Variants in TYR observed in about 807,000 individuals in gnomAD.
TYR encodes the protein LB24-AB.
A neutral mutation model predicts 51.5 loss-of-function variants in TYR; 58 were observed. The observed-to-expected ratio is 1.13, with a 90% CI of 0.91 to 1.40. TYR has a LOEUF of 1.40. TYR is among the 40% of genes most tolerant of loss of function. TYR has a pLI of 0.00. For synonymous variants in TYR, 263 were observed against 235.2 expected (o/e 1.12, Z -1.08); for missense variants, 732 against 647.4 (o/e 1.13, Z -1.42).
intron 2 of TYR, among the ~76,000 whole-genome samples, chr11:89,209,586 G>C (rs1198906798): frequency 2.0e-5 from 3 of 152,194 alleles, no homozygotes; most frequent in Non-Finnish European, 4.4e-5. Context: ...GTCCTTGTCT[G>C]ACAGCTCTGA....
chr11:89,181,848 G>C (rs1264121547), intron 1 of TYR, among the ~76,000 whole-genome samples: 1 of 152,110 alleles, frequency 6.6e-6, no homozygotes, highest in Non-Finnish European at 1.5e-5. Context: ...TGTTTATAAG[G>C]ATCCATTTAG....
intron 1 of TYR, among the ~76,000 whole-genome samples, chr11:89,181,717 T>C (rs771625036): frequency 1.3e-5 from 2 of 152,212 alleles, no homozygotes; most frequent in Non-Finnish European, 2.9e-5. Flanking sequence ...AACCTGTGCA[T>C]TTTATTAAAA....
intron 2 of TYR, chr11:89,191,868 G>C (rs1591143477): frequency 1.6e-5 from 5 of 306,740 alleles, no homozygotes; most frequent in Non-Finnish European, 2.5e-5. Flanking sequence ...CTAATGGTGA[G>C]TAAAGTCAGT....
chr11:89,283,911 T>C (rs1944749932), intron 3 of TYR: 1 of 151,756 alleles, frequency 6.6e-6, no homozygotes, highest in African/African-American at 2.4e-5. Context: ...GGCTACTGAG[T>C]AGCTCACAAA....
intron 2 of TYR, among the ~76,000 whole-genome samples, chr11:89,209,507 T>G (rs540844270): frequency 6.6e-6 from 1 of 152,162 alleles, no homozygotes; most frequent in African/African-American, 2.4e-5. Flanking sequence ...TACTGCCTCT[T>G]TAGATTCCAC....
Position 89,178,661 on chromosome 11 carries a change from G to C in TYR, c.708G>C (p.Trp236Cys), listed in dbSNP as rs769204360. 3 of 1,613,600 alleles carry C rather than the reference G, an allele frequency of 1.9e-6. No individual in the cohort carries two copies. Among genetic ancestry groups the C allele is most frequent in the Admixed American group, 3.3e-5 (2 of 60,008 alleles). The change falls in exon 1 of 5, where the codon TGG (tryptophan) becomes TGC (cysteine). Residue 236 changes from tryptophan to cysteine, a missense_variant. By Grantham distance (215) the Trp-to-Cys change is radical (BLOSUM62 -2). Coordinates refer to ENST00000263321, the MANE Select transcript of TYR (RefSeq NM_000372.5). Reference sequence around the variant, plus strand: ...ATGAAAACTTCACTATTCCATATTGGGACTGGCGGGATGCAGAAAAGTGTG... The same window carrying C: ...ATGAAAACTTCACTATTCCATATTGCGACTGGCGGGATGCAGAAAAGTGTG... Reference protein sequence around the residue: ...TGDENFTIPYWDWRDAEKCDI... With the variant: ...TGDENFTIPYCDWRDAEKCDI...
chr11:89,238,037 T>C (rs1333912865), intron 3 of TYR, among the ~76,000 whole-genome samples: 11 of 152,124 alleles, frequency 7.2e-5, no homozygotes, highest in African/African-American at 2.4e-4. Context: ...GGTTTCACCA[T>C]GTTGGCCAGG....
chr11:89,247,968 C>T (rs1397942649), intron 3 of TYR, among the ~76,000 whole-genome samples: 1 of 152,112 alleles, frequency 6.6e-6, no homozygotes, highest in East Asian at 1.9e-4. Context: ...AATCAGGAGA[C>T]TAAGAGGCAG....
intron 3 of TYR, among the ~76,000 whole-genome samples, chr11:89,270,011 G>A (rs757304042): frequency 2.6e-5 from 4 of 151,838 alleles, no homozygotes; most frequent in African/African-American, 4.8e-5. Flanking sequence ...GAATTATACC[G>A]TAACTAGGCA....
chr11:89,203,562 C>T (rs1943628210), intron 2 of TYR, among the ~76,000 whole-genome samples: 1 of 152,104 alleles, frequency 6.6e-6, no homozygotes, highest in Non-Finnish European at 1.5e-5. Context: ...CTAAATACAA[C>T]CACAATCTCT....
chr11:89,278,390 G>T (rs1453809395), intron 3 of TYR, among the ~76,000 whole-genome samples: 1 of 151,416 alleles, frequency 6.6e-6, no homozygotes, highest in Non-Finnish European at 1.5e-5. Context: ...ACCAATGCTG[G>T]GCCCAGAGCC....
At chr11:89,275,827 A>G (rs1368681680) in intron 3 of TYR, among the ~76,000 whole-genome samples, 2 of 151,884 alleles carry the variant, frequency 1.3e-5, no homozygotes, top group Non-Finnish European at 2.9e-5. Context: ...TTGATTAGAC[A>G]AAACTCGGTG....
chr11:89,198,244 C>A (rs1053517784), intron 2 of TYR, among the ~76,000 whole-genome samples: 1 of 151,952 alleles, frequency 6.6e-6, no homozygotes, highest in South Asian at 2.1e-4. Context: ...AAAGGTCACA[C>A]AGATTCAAAA....
chr11:89,216,700 A>G (rs1224082096), intron 2 of TYR, among the ~76,000 whole-genome samples: 2 of 140,220 alleles, frequency 1.4e-5, no homozygotes, highest in Non-Finnish European at 3.0e-5. Flanking sequence ...GCCTTTTAAG[A>G]AAAAGAAGTT....
In TYR at chr11:89,295,259, C is replaced by G. The variant is rs777629489; in HGVS notation, c.1483C>G (p.Leu495Val). Residue 495 changes from leucine to valine, a missense_variant, in exon 5 of 5, where the codon CTT becomes GTT. Coordinates refer to ENST00000263321, the MANE Select transcript of TYR (RefSeq NM_000372.5). ...CGTCCTCACTGCCCTGCTGGCAGGG[C>G]TTGTGAGCTTGCTGTGTCGTCACAA... ...GAVLTALLAG[L>V]VSLLCRHKRK... 2 of 1,613,794 alleles carry G rather than the reference C, an allele frequency of 1.2e-6. No individual in the cohort carries two copies. Among genetic ancestry groups the G allele is most frequent in the Non-Finnish European group, 1.7e-6 (2 of 1,179,860 alleles).
rs1193457246 is a variant in TYR, at chr11:89,284,772, G to T, written c.1185-1G>T. The T allele has an allele frequency of 1.2e-6, 2 of 1,611,232 alleles. No individual in the cohort carries two copies. Among genetic ancestry groups the T allele is most frequent in the African/African-American group, 2.7e-5 (2 of 74,684 alleles). On this transcript the variant is annotated splice_acceptor_variant, in intron 3 of 4. Transcript: ENST00000263321. LOFTEE classifies it high-confidence loss of function. ...AGTCTGAATAACCTTTTCCTCTGCA[G>T]TATTTTTGAGCAGTGGCTCCGAAGG...
At chr11:89,203,776 A>C (rs572665347) in intron 2 of TYR, among the ~76,000 whole-genome samples, 1 of 152,312 alleles carries the variant, frequency 6.6e-6, no homozygotes, top group South Asian at 2.1e-4. Flanking sequence ...CAAAACAGAA[A>C]GAAAAAAACA....
chr11:89,190,835 C>T (rs1029254400), intron 1 of TYR, among the ~76,000 whole-genome samples: 4 of 151,984 alleles, frequency 2.6e-5, no homozygotes, highest in Non-Finnish European at 4.4e-5. Flanking sequence ...GTACCTTTTA[C>T]ATGTTTAGAT....
chr11:89,208,042 G>A (rs1236431872), intron 2 of TYR, among the ~76,000 whole-genome samples: 2 of 152,206 alleles, frequency 1.3e-5, no homozygotes, highest in Non-Finnish European at 2.9e-5. Flanking sequence ...GCCAAGGCGG[G>A]GGGATCACGA....
Sources: allele counts gnomAD v4.1 joint callset (sites outside exome capture counted in the v4.1 genomes callset), GRCh38; gene constraint gnomAD v4.1.1; transcripts MANE v1.5; gene names NCBI Gene and HGNC (gene_info 2026-07-23, HGNC 2026-07-21).